Variants in TSKS observed in about 807,000 individuals in gnomAD.
The protein encoded by TSKS is testis-specific serine kinase substrate.
TSKS carries 27 observed loss-of-function variants against 68.0 expected under a neutral mutation model. The ratio of observed to expected loss-of-function variants is 0.40; its 90% confidence interval spans 0.29 to 0.55. The LOEUF (loss-of-function observed/expected upper bound fraction) is 0.55, where lower values mean the gene tolerates loss of function less well. Ranked by LOEUF, TSKS falls within the 20% of genes least tolerant of loss-of-function variation. The pLI is 0.53. For missense variants in TSKS, 806 were observed against 776.0 expected (o/e 1.04, Z -0.46); for synonymous variants, 331 against 340.4 (o/e 0.97, Z 0.30).
At chr19:49,761,030 TG>T (rs1469645056) in intron 2 of TSKS, among the ~76,000 whole-genome samples, 2 of 152,008 alleles carry the variant, frequency 1.3e-5, no homozygotes, top group African/African-American at 4.8e-5. Flanking sequence ...AAGCAGAGGT[TG>T]CTGTGAGCCA....
chr19:49,742,496 C>CTT lies in TSKS; in HGVS notation c.1362-478_1362-477dup, dbSNP rs978089309. On this transcript the variant is annotated intron_variant, in intron 8 of 10. Transcript: ENST00000246801. Reference sequence around the variant, plus strand: ...CAGGCATGAGCCACCGGGCCCGGCCCTTTTTTTTTTTTTTTTTTTTGAGAT... The same window carrying CTT: ...CAGGCATGAGCCACCGGGCCCGGCCCTTTTTTTTTTTTTTTTTTTTTTGAGAT... Among the ~76,000 whole-genome samples the CTT allele has an allele frequency of 8.0e-4, 81 of 101,212 alleles. 1 individual carries two copies. Among genetic ancestry groups the CTT allele is most frequent in the Non-Finnish European group, 1.2e-3 (60 of 51,508 alleles). The allele number at this position is 101,212 out of a possible 152,430, so 66.4% of individuals were successfully genotyped here.
In TSKS at chr19:49,741,991, A is replaced by G; in HGVS notation, c.1391T>C (p.Leu464Pro). The change falls in exon 9 of 11, where the codon CTG becomes CCG. Residue 464 changes from leucine to proline, a missense_variant. Leu to Pro is a moderately conservative substitution (Grantham distance 98, BLOSUM62 -3). Transcript: ENST00000246801. ...CAGTGCTCGGTCCAGCAGCTGCTGC[A>G]GGGACTCCGTAGACAACTGCGACCC... ...SQGSQLSTES[L>P]QQLLDRALTS... is the part of the protein sequence containing the mutation. 1 of 1,614,130 alleles carries G rather than the reference A, an allele frequency of 6.2e-7. No homozygotes were observed. The highest frequency in any genetic ancestry group is 1.1e-5 in the South Asian group (1 of 91,080).
intron 8 of TSKS, among the ~76,000 whole-genome samples, chr19:49,742,496 CTTTTTTT>C (rs978089309): frequency 4.0e-5 from 4 of 101,218 alleles, no homozygotes; most frequent in Non-Finnish European, 7.8e-5. Context: ...GGGCCCGGCC[CTTTTTTT>C]TTTTTTTTTT....
intron 2 of TSKS, among the ~76,000 whole-genome samples, chr19:49,751,236 G>A (rs1005805369): frequency 3.1e-4 from 47 of 149,412 alleles, no homozygotes; most frequent in Non-Finnish European, 8.9e-5. Flanking sequence ...TCCAGGAGGC[G>A]GAGGTTGCAG....
Position 49,748,380 on chromosome 19 carries a change from A to T in TSKS, c.489T>A (p.Ser163=), listed in dbSNP as rs371934289. Residue 163 remains serine (S), a synonymous_variant, in exon 3 of 11, where the codon TCT becomes TCA. Transcript: ENST00000246801. Reference sequence around the variant, plus strand: ...ATATAGGGGGTCCTCACACCTGCAGAGACTGCACGTGCTGGTTAACCCGGT... The same window carrying T: ...ATATAGGGGGTCCTCACACCTGCAGTGACTGCACGTGCTGGTTAACCCGGT... ...KTNRVNQHVQ[S]LQSECSVLSE... 5 of 1,613,864 alleles carry T rather than the reference A, an allele frequency of 3.1e-6. No homozygotes were observed. The African/African-American group carries it at 6.7e-5, about 22-fold the overall frequency.
rs1325433530 is a variant in TSKS at position 49,747,272 on chromosome 19, C to T, written c.663+117G>A. On this transcript the variant is annotated intron_variant, in intron 5 of 10. Coordinates refer to ENST00000246801, the MANE Select transcript of TSKS (RefSeq NM_021733.2). Reference sequence around the variant, plus strand: ...CGAGTTCTAAGGATGACTATGTGCACGAAGGTGCAGTGTGGTGGTGGTGTC... The same window carrying T: ...CGAGTTCTAAGGATGACTATGTGCATGAAGGTGCAGTGTGGTGGTGGTGTC... 23 of 1,589,692 alleles carry T rather than the reference C, an allele frequency of 1.4e-5. No individual in the cohort carries two copies. In the Middle Eastern group the frequency reaches 5.0e-4, roughly 34 times the overall value.
intron 2 of TSKS, among the ~76,000 whole-genome samples, chr19:49,757,994 G>A (rs371510605): frequency 1.3e-5 from 2 of 150,156 alleles, no homozygotes; most frequent in African/African-American, 4.9e-5. Flanking sequence ...GAGTTCAAGC[G>A]ATTCTCCTGC....
chr19:49,750,262 CTTT>C (rs34913477), intron 2 of TSKS, among the ~76,000 whole-genome samples: 77 of 136,194 alleles, frequency 5.7e-4, no homozygotes, highest in African/African-American at 7.6e-4. Context: ...CATTGACATT[CTTT>C]TTTTTTTTTT....
intron 2 of TSKS, among the ~76,000 whole-genome samples, chr19:49,754,059 A>C (rs897976344): frequency 2.7e-5 from 4 of 150,344 alleles, no homozygotes; most frequent in African/African-American, 9.7e-5. Context: ...TAATTTTTGT[A>C]TTTTTAGTAG....
chr19:49,758,880 G>A (rs1262850711), intron 2 of TSKS, among the ~76,000 whole-genome samples: 2 of 151,060 alleles, frequency 1.3e-5, no homozygotes, highest in African/African-American at 2.4e-5. Flanking sequence ...TTTTTGAGAC[G>A]GAGTTTTGCT....
intron 2 of TSKS, among the ~76,000 whole-genome samples, chr19:49,758,577 G>C (rs974825005): frequency 6.6e-6 from 1 of 152,134 alleles, no homozygotes; most frequent in African/African-American, 2.4e-5. Flanking sequence ...TTCTGTCTGA[G>C]GGAGGAGATG....
chr19:49,763,071 A>G lies in TSKS; in HGVS notation c.170+7T>C, dbSNP rs367803636. The G allele has an allele frequency of 1.9e-6, 3 of 1,610,378 alleles. No individual in the cohort carries two copies. The African/African-American group carries it at 4.0e-5, about 22-fold the overall frequency. On this transcript the variant is annotated splice_region_variant and intron_variant, in intron 1 of 10. Coordinates refer to ENST00000246801, the MANE Select transcript of TSKS (RefSeq NM_021733.2). This position sits in a 1 kb window ranked among gnomAD's most constrained non-coding sequence, Gnocchi z 4.5. ...GAACCATCCCTGACAGTGTGCAACA[A>G]ACCCACCCGTGGAACGACACGGCCT...
At chr19:49,741,341 A>G (rs962781590) in intron 9 of TSKS, among the ~76,000 whole-genome samples, 4 of 152,106 alleles carry the variant, frequency 2.6e-5, no homozygotes, top group African/African-American at 4.8e-5. Flanking sequence ...ACATAATCCT[A>G]TAGTACATTA....
intron 2 of TSKS, among the ~76,000 whole-genome samples, chr19:49,757,260 C>A (rs549850667): frequency 6.6e-6 from 1 of 152,306 alleles, no homozygotes; most frequent in South Asian, 2.1e-4. Context: ...TTTGGTAGCA[C>A]AACCTCTGGC....
chr19:49,741,197 A>C (rs933397417), intron 9 of TSKS, among the ~76,000 whole-genome samples: 4 of 150,868 alleles, frequency 2.7e-5, no homozygotes, highest in African/African-American at 7.2e-5. Flanking sequence ...AAACAAACAA[A>C]CAAAAAACAG....
chr19:49,752,342 C>T (rs2084358250), intron 2 of TSKS, among the ~76,000 whole-genome samples: 1 of 151,140 alleles, frequency 6.6e-6, no homozygotes, highest in African/African-American at 2.4e-5. Context: ...CGAGATCATG[C>T]CACTGCTCTC....
chr19:49,740,452 T>C (rs2084243002), intron 9 of TSKS: 1 of 453,280 alleles, frequency 2.2e-6, no homozygotes, highest in Non-Finnish European at 4.0e-6. Flanking sequence ...TCAGTGCCTA[T>C]CGTCTGTCTC....
At chr19:49,740,000 G>A in intron 10 of TSKS, 59 bp downstream of exon 10, 2 of 1,611,746 alleles carry the variant, frequency 1.2e-6, no homozygotes, top group Non-Finnish European at 1.7e-6. Flanking sequence ...TGGAAGGGGA[G>A]ATCAGGCCCT....
At chr19:49,762,929 T>C in intron 1 of TSKS, 149 bp downstream of exon 1, 2 of 931,298 alleles carry the variant, frequency 2.1e-6, no homozygotes, top group Non-Finnish European at 3.1e-6. Flanking sequence ...CCCTGTGACT[T>C]GATGTCTCTT....
Sources: gnomAD v4.1 joint callset for allele counts (sites outside exome capture counted in the v4.1 genomes callset) on GRCh38, gnomAD v4.1.1 for gene constraint, Gnocchi (gnomAD v3.1) non-coding constraint, MANE v1.5 for transcripts, NCBI Gene and HGNC (gene_info 2026-07-23, HGNC 2026-07-21) for gene names.